Variants in HELZ observed in about 807,000 individuals in gnomAD.
HELZ encodes helicase with zinc finger.
HELZ carries 23 observed loss-of-function variants against 218.2 expected under a neutral mutation model. That is an observed-to-expected ratio of 0.11 (90% CI 0.08 to 0.15). The LOEUF is 0.15. Among genes scored for constraint, HELZ ranks in the 10% least tolerant of loss-of-function variants. HELZ has a pLI of 1.00. For synonymous variants in HELZ, 814 were observed against 829.4 expected (o/e 0.98, Z 0.32); for missense variants, 1,813 against 2,353.7 (o/e 0.77, Z 4.75).
chr17:67,108,634 C>T lies in HELZ; in HGVS notation c.4582G>A (p.Gly1528Ser). 1 of 1,614,006 alleles carries T rather than the reference C, an allele frequency of 6.2e-7. No homozygotes were observed. Among genetic ancestry groups the T allele is most frequent in the East Asian group, 2.2e-5 (1 of 44,856 alleles). ...WSEHHAFLSQ[G>S]SAPYPHHHHP... ...TGATGGTGTGGGTATGGAGCGCTGC[C>T]CTGACTGAGAAAGGCATGATGCTCG... Residue 1528 changes from glycine (G) to serine (S), a missense_variant, in exon 30 of 33, where the codon GGC becomes AGC. Transcript: ENST00000358691. The surrounding 1 kb of genome is among the most constrained non-coding windows in gnomAD (Gnocchi z 4.1).
rs2037702866 is a variant in HELZ at position 67,123,952 on chromosome 17, T to G, written c.3439+11A>C. On this transcript the variant is annotated intron_variant, in intron 25 of 32. Coordinates refer to ENST00000358691, the MANE Select transcript of HELZ (RefSeq NM_014877.4). ...AAAAGCAAGTTTTCATAGGGTAATT[T>G]TTCCACTTACCAATTCCATCATTCT... 3 of 1,599,940 alleles carry G rather than the reference T, an allele frequency of 1.9e-6. No individual in the cohort carries two copies. Among genetic ancestry groups the G allele is most frequent in the African/African-American group, 2.7e-5 (2 of 74,598 alleles).
chr17:67,072,513 G>A lies in HELZ; in HGVS notation c.*5739C>T, dbSNP rs921956783. On this transcript the variant is annotated 3_prime_UTR_variant, in exon 33 of 33. Transcript: ENST00000358691. Reference sequence around the variant, plus strand: ...CCAGGATTCTCACTTCCATGCATGTGGATCAAGATTGACCCTAAGCACACC... The same window carrying A: ...CCAGGATTCTCACTTCCATGCATGTAGATCAAGATTGACCCTAAGCACACC... 8 of 152,626 alleles carry A rather than the reference G, an allele frequency of 5.2e-5. No individual in the cohort carries two copies. The highest frequency in any genetic ancestry group is 1.9e-4 in the African/African-American group (8 of 41,390). The allele number at this position is 152,626 out of a possible 1,614,324, so 9.5% of individuals were successfully genotyped here. A position where few individuals can be genotyped will look rare whatever the true frequency, so the allele number is the denominator to read the frequency against.
chr17:67,235,436 C>T (rs9908988), intron 3 of HELZ, among the ~76,000 whole-genome samples: 5,824 of 151,260 alleles, frequency 0.039, 388 homozygotes, highest in African/African-American at 0.13. Context: ...ACCAGGGAGG[C>T]GGAGGCTGCA....
At chr17:67,228,599 T>C (rs1262820386) in intron 3 of HELZ, among the ~76,000 whole-genome samples, 1 of 150,068 alleles carries the variant, frequency 6.7e-6, no homozygotes, top group Non-Finnish European at 1.5e-5. Flanking sequence ...GAGGCAGAGG[T>C]TGCAGTGAGC....
At chr17:67,232,014 T>C (rs1054019629) in intron 3 of HELZ, among the ~76,000 whole-genome samples, 2 of 143,506 alleles carry the variant, frequency 1.4e-5, no homozygotes, top group African/African-American at 2.7e-5. Context: ...GATCACACCA[T>C]TGTACTCTAG....
At chr17:67,238,097 G>C (rs2041231922) in intron 3 of HELZ, among the ~76,000 whole-genome samples, 1 of 151,672 alleles carries the variant, frequency 6.6e-6, no homozygotes, top group Non-Finnish European at 1.5e-5. Flanking sequence ...TGTAATTCCA[G>C]CACTTTGGGA....
At position 67,244,777 on chromosome 17, in the gene HELZ, G is replaced by A. The variant is rs1202339901; in HGVS notation, c.-132+371C>T. The A allele has an allele frequency of 2.9e-5, 29 of 985,178 alleles. No individual in the cohort carries two copies. In the East Asian group the frequency reaches 3.4e-4, roughly 12 times the overall value. 61.0% of individuals were successfully genotyped at this position (985,178 alleles called of 1,614,324 possible). ...GCTCCCCACCCCCAGCCGCGACCCG[G>A]AGGAGGGGAACGTGCCGGGAGGCTC... On this transcript the variant is annotated intron_variant, in intron 1 of 32. Transcript: ENST00000358691.
At chr17:67,243,530 A>C (rs1175152377) in intron 2 of HELZ, among the ~76,000 whole-genome samples, 1 of 152,234 alleles carries the variant, frequency 6.6e-6, no homozygotes, top group Non-Finnish European at 1.5e-5. Context: ...ATACTGATCA[A>C]GAATAGCTGC....
intron 26 of HELZ, among the ~76,000 whole-genome samples, chr17:67,121,193 T>C (rs1179410289): frequency 6.6e-6 from 1 of 152,214 alleles, no homozygotes; most frequent in Non-Finnish European, 1.5e-5. Flanking sequence ...GAAAACTTGT[T>C]TAAGTGTGTC....
intron 6 of HELZ, among the ~76,000 whole-genome samples, chr17:67,203,048 G>A (rs984623887): frequency 4.6e-5 from 7 of 152,004 alleles, no homozygotes; most frequent in Admixed American, 4.6e-4. Flanking sequence ...CTTGAGCCCA[G>A]GAGGTTGAAG....
intron 2 of HELZ, among the ~76,000 whole-genome samples, chr17:67,243,111 A>G (rs1046831079): frequency 8.5e-5 from 13 of 152,366 alleles, no homozygotes; most frequent in Middle Eastern, 3.4e-3. Flanking sequence ...CACTGTATCA[A>G]TAATATCCTT....
intron 32 of HELZ, among the ~76,000 whole-genome samples, chr17:67,083,541 T>C (rs1018137863): frequency 2.6e-5 from 4 of 152,128 alleles, no homozygotes; most frequent in East Asian, 1.9e-4. Flanking sequence ...GGCAGGATAA[T>C]TGCTTGATCC....
Position 67,222,111 on chromosome 17 carries a change from G to A in HELZ, c.-18-3289C>T, listed in dbSNP as rs558926575. On this transcript the variant is annotated intron_variant, in intron 3 of 32. Coordinates refer to ENST00000358691, the MANE Select transcript of HELZ (RefSeq NM_014877.4). Reference sequence around the variant, plus strand: ...CCCAACTTGGCCTCCCAAATGCTGGGATTACAGGCGTGAGCCACTGTACCC... The same window carrying A: ...CCCAACTTGGCCTCCCAAATGCTGGAATTACAGGCGTGAGCCACTGTACCC... Among the ~76,000 whole-genome samples the A allele has an allele frequency of 3.9e-4, 59 of 152,218 alleles. 1 individual carries two copies. In the South Asian group the frequency reaches 0.012, roughly 31 times the overall value.
chr17:67,135,911 T>C, intron 23 of HELZ, 59 bp downstream of exon 23: 1 of 1,332,974 alleles, frequency 7.5e-7, no homozygotes, highest in Non-Finnish European at 1.1e-6. Flanking sequence ...AATATACACA[T>C]AGGGATACAA....
chr17:67,215,954 A>G lies in HELZ; in HGVS notation c.211-19T>C. On this transcript the variant is annotated intron_variant, in intron 4 of 32. Transcript: ENST00000358691. ...AATTTTTCTGCAAAACAAAAATACA[A>G]GATAAAATTAAGTATTTCAAGAGCT... 3 of 1,429,880 alleles carry G rather than the reference A, an allele frequency of 2.1e-6. No homozygotes were observed. Among genetic ancestry groups the G allele is most frequent in the Non-Finnish European group, 2.0e-6 (2 of 1,018,276 alleles). 88.6% of individuals were successfully genotyped at this position (1,429,880 alleles called of 1,614,324 possible). A position where few individuals can be genotyped will look rare whatever the true frequency, so the allele number is the denominator to read the frequency against.
intron 15 of HELZ, among the ~76,000 whole-genome samples, chr17:67,166,277 G>T (rs1385166400): frequency 1.3e-5 from 2 of 152,136 alleles, no homozygotes; most frequent in East Asian, 3.8e-4. Context: ...AAAAGCAGTA[G>T]AATTCATTTA....
At chr17:67,120,642 T>G (rs2037582224) in intron 26 of HELZ, 30 bp from the exon 27 acceptor site, 1 of 1,532,312 alleles carries the variant, frequency 6.5e-7, no homozygotes, top group East Asian at 2.3e-5. Flanking sequence ...AATACATGCA[T>G]TAAGTATATT....
intron 20 of HELZ, among the ~76,000 whole-genome samples, chr17:67,147,644 ATT>A (rs761333225): frequency 0.017 from 2,415 of 138,838 alleles, 26 homozygotes; most frequent in African/African-American, 0.025. Context: ...TGCCCTGCTA[ATT>A]TTTTTTTTTT....
chr17:67,201,149 T>C lies in HELZ; in HGVS notation c.409A>G (p.Thr137Ala), dbSNP rs771689154. 60 of 1,609,102 alleles carry C rather than the reference T, an allele frequency of 3.7e-5. No homozygotes were observed. The highest frequency in any genetic ancestry group is 4.8e-5 in the Non-Finnish European group (57 of 1,175,432). ...CTTACCTCTGTTTCTGAGAGAAGTG[T>C]TTTTAGTCTTGTCAAATCCTTTGTT... ...MVTKDLTRLKTLLSETETATS... is the reference protein window; with the variant it reads ...MVTKDLTRLKALLSETETATS... The change falls in exon 7 of 33, where the codon ACA (threonine) becomes GCA (alanine). Residue 137 changes from threonine (T) to alanine (A), a missense_variant. Around this residue, in one of 4 missense-constraint regions of HELZ, gnomAD observed 714 missense variants for 1,029.2 expected, o/e 0.69. Coordinates refer to ENST00000358691, the MANE Select transcript of HELZ (RefSeq NM_014877.4).
Sources: allele counts gnomAD v4.1 joint callset (sites outside exome capture counted in the v4.1 genomes callset), GRCh38; gene constraint gnomAD v4.1.1; regional missense constraint gnomAD v4.1.1; non-coding constraint Gnocchi (gnomAD v3.1); transcripts MANE v1.5; gene names NCBI Gene and HGNC (gene_info 2026-07-23, HGNC 2026-07-21).